The following IMMP2L variants were observed in gnomAD, a reference collection of about 807,000 sequenced individuals.
IMMP2L encodes mitochondrial inner membrane protease subunit 2.
A neutral mutation model predicts 19.3 loss-of-function variants in IMMP2L; 18 were observed. The ratio of observed to expected loss-of-function variants is 0.93; its 90% CI spans 0.64 to 1.38. The LOEUF is 1.38. Among genes scored for constraint, IMMP2L ranks in the 40% most tolerant of loss-of-function variants. The pLI is 0.00. For missense variants in IMMP2L, 233 were observed against 218.2 expected, an observed-to-expected ratio of 1.07 and a Z score of -0.43; for synonymous variants, 76 against 73.0, an observed-to-expected ratio of 1.04 and a Z score of -0.21.
intron 3 of IMMP2L, among the ~76,000 whole-genome samples, chr7:111,113,516 C>T (rs1799488841): frequency 6.6e-6 from 1 of 152,104 alleles, no homozygotes. Flanking sequence ...GCTGCAATCA[C>T]TTCATTTATT....
intron 3 of IMMP2L, among the ~76,000 whole-genome samples, chr7:111,286,251 CAGG>C (rs1820467027): frequency 6.6e-6 from 1 of 152,116 alleles, no homozygotes; most frequent in Non-Finnish European, 1.5e-5. Flanking sequence ...AACAGTTGCT[CAGG>C]AGAAGTTTAG....
In IMMP2L at chr7:111,513,527, C is replaced by A. The variant is rs573614351; in HGVS notation, c.135+7786G>T. Among the ~76,000 whole-genome samples, 9 of 152,130 alleles carry A rather than the reference C, an allele frequency of 5.9e-5. No homozygotes were observed. In the East Asian group the frequency reaches 1.7e-3, roughly 29 times the overall value. On this transcript the variant is annotated intron_variant, in intron 2 of 5. Coordinates refer to ENST00000405709, the MANE Select transcript of IMMP2L (RefSeq NM_032549.4). ...TTGGTAGGAATGTAAATTAGTTCAA[C>A]CATTATGAAAAATAGGGATATATCT...
At chr7:111,338,795 T>C (rs1214550418) in intron 3 of IMMP2L, among the ~76,000 whole-genome samples, 1 of 152,090 alleles carries the variant, frequency 6.6e-6, no homozygotes, top group Admixed American at 6.6e-5. Context: ...ATAGAAAGAA[T>C]TAGCAGGAAT....
At chr7:111,351,831 A>T (rs1828195036) in intron 3 of IMMP2L, among the ~76,000 whole-genome samples, 1 of 152,184 alleles carries the variant, frequency 6.6e-6, no homozygotes, top group African/African-American at 2.4e-5. Context: ...TCCAATGCAT[A>T]TCACTTTAAA....
chr7:111,402,034 C>T lies in IMMP2L; in HGVS notation c.239+85204G>A, dbSNP rs1340529345. On this transcript the variant is annotated intron_variant, in intron 3 of 5. Transcript: ENST00000405709. ...TTGAGGCAAGAGGACTGCTTGAGCC[C>T]AGGAGTTCAAGGCTGTAGTGAGCTA... Among the ~76,000 whole-genome samples, 10 of 151,492 alleles carry T rather than the reference C, an allele frequency of 6.6e-5. No homozygotes were observed. In the South Asian group the frequency reaches 1.9e-3, roughly 28 times the overall value.
At chr7:111,480,406 T>A (rs1215905014) in intron 3 of IMMP2L, among the ~76,000 whole-genome samples, 2 of 151,966 alleles carry the variant, frequency 1.3e-5, no homozygotes, top group South Asian at 4.1e-4. Context: ...TGTATGGCTA[T>A]GAACAGCATT....
At chr7:111,319,552 T>A (rs1306358775) in intron 3 of IMMP2L, among the ~76,000 whole-genome samples, 1 of 152,114 alleles carries the variant, frequency 6.6e-6, no homozygotes, top group South Asian at 2.1e-4. Context: ...AAAATTTTCA[T>A]CATTCAAAAT....
At chr7:110,703,179 G>C (rs1794404062) in intron 5 of IMMP2L, among the ~76,000 whole-genome samples, 6 of 152,000 alleles carry the variant, frequency 3.9e-5, no homozygotes, top group Admixed American at 2.6e-4. Flanking sequence ...TGCTTTTTCT[G>C]CATCAGTTGA....
In IMMP2L at chr7:111,299,807, T is replaced by C. The variant is rs1822030385; in HGVS notation, c.239+187431A>G. On this transcript the variant is annotated intron_variant, in intron 3 of 5. Transcript: ENST00000405709. ...TACTTGCATATGGTCTGTTTACACA[T>C]AGAATTTATTGTCTAGCCAGGGCCC... is the stretch of plus-strand genomic sequence containing the variant. 2.0e-5 allele frequency among the ~76,000 whole-genome samples: 3 copies of C among 151,930 alleles called. 1 individual carries two copies. Among genetic ancestry groups the C allele is most frequent in the Admixed American group, 1.3e-4 (2 of 15,224 alleles).
chr7:111,368,241 C>A (rs1010085319), intron 3 of IMMP2L, among the ~76,000 whole-genome samples: 1 of 151,894 alleles, frequency 6.6e-6, no homozygotes, highest in African/African-American at 2.4e-5. Flanking sequence ...CCTGACATCA[C>A]CCCTACTTCT....
At chr7:111,011,742 A>G (rs1357027369) in intron 3 of IMMP2L, among the ~76,000 whole-genome samples, 1 of 152,216 alleles carries the variant, frequency 6.6e-6, no homozygotes, top group African/African-American at 2.4e-5. Flanking sequence ...GAATAAACAA[A>G]TGAAAACAAA....
chr7:110,930,892 T>G (rs547637742), intron 4 of IMMP2L, among the ~76,000 whole-genome samples: 1 of 152,224 alleles, frequency 6.6e-6, no homozygotes, highest in Admixed American at 6.5e-5. Flanking sequence ...CATTTAAAAT[T>G]TATCCTTTAG....
In IMMP2L at chr7:111,367,665, G is replaced by GA. The variant is rs540694022; in HGVS notation, c.239+119572dup. ...ATTATTTTCCCTCTTTTCGCATGGG[G>GA]AAAAAACAGAAATAGAAAGGTTAAG... On this transcript the variant is annotated intron_variant, in intron 3 of 5. Transcript: ENST00000405709. Among the ~76,000 whole-genome samples the GA allele has an allele frequency of 4.0e-5, 6 of 151,858 alleles. No individual in the cohort carries two copies. In the East Asian group the frequency reaches 5.8e-4, roughly 15 times the overall value.
intron 3 of IMMP2L, among the ~76,000 whole-genome samples, chr7:111,333,158 TAGA>T (rs544386739): frequency 9.4e-4 from 143 of 152,234 alleles, no homozygotes; most frequent in South Asian, 5.6e-3. Context: ...GAATGGGTAG[TAGA>T]AGAAGGTAGT....
At chr7:110,692,023 A>C (rs143725182) in intron 5 of IMMP2L, among the ~76,000 whole-genome samples, 173 of 152,342 alleles carry the variant, frequency 1.1e-3, no homozygotes, top group African/African-American at 4.0e-3. Flanking sequence ...TTACCACAAC[A>C]CAATTCACAA....
chr7:111,314,062 G>C (rs1027075033), intron 3 of IMMP2L, among the ~76,000 whole-genome samples: 8 of 152,188 alleles, frequency 5.3e-5, no homozygotes, highest in Middle Eastern at 3.4e-3. Flanking sequence ...AAAGCTCCCT[G>C]AGGCCTCCCT....
chr7:110,782,917 A>G (rs1178287943), intron 5 of IMMP2L, among the ~76,000 whole-genome samples: 2 of 151,896 alleles, frequency 1.3e-5, no homozygotes, highest in African/African-American at 2.4e-5. Context: ...GAAACTGAAG[A>G]AAATGCCACA....
intron 3 of IMMP2L, among the ~76,000 whole-genome samples, chr7:111,002,486 A>C (rs1002609062): frequency 2.6e-5 from 4 of 152,148 alleles, no homozygotes; most frequent in African/African-American, 9.7e-5. Context: ...TTTAAGGCAG[A>C]GGTTCTTCAG....
chr7:110,807,087 G>C (rs1309008104), intron 5 of IMMP2L, among the ~76,000 whole-genome samples: 1 of 151,950 alleles, frequency 6.6e-6, no homozygotes, highest in Non-Finnish European at 1.5e-5. Flanking sequence ...CTGTTTAAGA[G>C]ACTTGTTCTG....
Sources: allele counts gnomAD v4.1 joint callset (sites outside exome capture counted in the v4.1 genomes callset), GRCh38; gene constraint gnomAD v4.1.1; transcripts MANE v1.5; gene names NCBI Gene and HGNC (gene_info 2026-07-23, HGNC 2026-07-21).